The following REL variants were observed in gnomAD, a reference collection of about 807,000 sequenced individuals.
REL encodes the protein REL proto-oncogene, NF-kB subunit.
In REL, 15 loss-of-function variants were observed where a neutral mutation model predicts 45.9. That is an observed-to-expected ratio of 0.33 (90% CI 0.22 to 0.50). REL has a LOEUF of 0.50. Among genes scored for constraint, REL ranks in the 20% least tolerant of loss-of-function variants. REL has a pLI of 0.98. For synonymous variants in REL, 239 were observed against 242.1 expected (o/e 0.99, Z 0.12); for missense variants, 601 against 715.2 (o/e 0.84, Z 1.82).
chr2:60,886,781 G>C (rs1259203285), intron 1 of REL, among the ~76,000 whole-genome samples: 10 of 151,924 alleles, frequency 6.6e-5, no homozygotes, highest in Non-Finnish European at 1.3e-4. Flanking sequence ...TGCTTTATTA[G>C]ATAGGCACTA....
At chr2:60,901,215 G>A in intron 4 of REL, 132 bp downstream of exon 4, 2 of 1,173,526 alleles carry the variant, frequency 1.7e-6, no homozygotes, top group African/African-American at 3.4e-5. Flanking sequence ...GAGTGCAATG[G>A]CGCGATCTCA....
Position 60,881,587 on chromosome 2 carries a change from C to A in REL, c.-254C>A. ...GGCTGGGCCAGCACTCGGCTCTCCC[C>A]GCTCCGCCCCCTGCCCCTGGCTCCC... On this transcript the variant is annotated 5_prime_UTR_variant, in exon 1 of 10. Transcript: ENST00000394479. 1 of 491,858 alleles carries A rather than the reference C, an allele frequency of 2.0e-6. No homozygotes were observed. The highest frequency in any genetic ancestry group is 2.7e-5 in the South Asian group (1 of 37,484). The allele number at this position is 491,858 out of a possible 1,614,324, so 30.5% of individuals were successfully genotyped here. A position where few individuals can be genotyped will look rare whatever the true frequency, so the allele number is the denominator to read the frequency against.
chr2:60,901,305 G>A (rs1405056762), intron 4 of REL, among the ~76,000 whole-genome samples: 1 of 151,688 alleles, frequency 6.6e-6, no homozygotes, highest in African/African-American at 2.4e-5. Flanking sequence ...GGGATTATAG[G>A]CGCCCACCAT....
At chr2:60,909,860 G>A (rs1673762989) in intron 4 of REL, among the ~76,000 whole-genome samples, 1 of 151,962 alleles carries the variant, frequency 6.6e-6, no homozygotes, top group Non-Finnish European at 1.5e-5. Context: ...CTGAGATGGC[G>A]CCACTGCACT....
At chr2:60,914,098 GA>G (rs1175724900) in intron 4 of REL, among the ~76,000 whole-genome samples, 2 of 152,198 alleles carry the variant, frequency 1.3e-5, no homozygotes, top group African/African-American at 4.8e-5. Flanking sequence ...ATACATAAAT[GA>G]TTATCATGTA....
rs763342298 is a variant in REL, at chr2:60,911,994, CAAAAAAA to C, written c.395-4864_395-4858del. Among the ~76,000 whole-genome samples, 29 of 37,324 alleles carry C rather than the reference CAAAAAAA, an allele frequency of 7.8e-4. No individual in the cohort carries two copies. In the South Asian group the frequency reaches 1.0e-2, roughly 13 times the overall value. 24.5% of individuals were successfully genotyped at this position (37,324 alleles called of 152,430 possible). ...GCCTGGGCAAAGAGCAAGACTGTCT[CAAAAAAA>C]AAAAAAAAAAAAAAAAAAGTCATTT... On this transcript the variant is annotated intron_variant, in intron 4 of 9. Coordinates refer to ENST00000394479, the MANE Select transcript of REL (RefSeq NM_001291746.2).
chr2:60,894,587 C>T (rs774153171), intron 3 of REL, 42 bp downstream of exon 3: 4 of 1,444,872 alleles, frequency 2.8e-6, no homozygotes, highest in African/African-American at 2.9e-5. Context: ...TAAGATAAGA[C>T]ATAGGATGTT....
In REL at chr2:60,917,010, T is replaced by C. The variant is rs774807546; in HGVS notation, c.528T>C (p.Tyr176=). ...CTCCTGTTGTCTCGAACCCAATTTATGACAACCGTAAGTACTTCATTTTCT... is the reference window on the plus strand; with the variant it reads ...CTCCTGTTGTCTCGAACCCAATTTACGACAACCGTAAGTACTTCATTTTCT... The part of the protein sequence containing the change: ...ALPPVVSNPI[Y]DNRAPNTAEL... Residue 176 remains tyrosine, a synonymous_variant, in exon 5 of 10, where the codon TAT becomes TAC. Transcript: ENST00000394479. 23 of 1,612,554 alleles carry C rather than the reference T, an allele frequency of 1.4e-5. No individual in the cohort carries two copies. The Admixed American group carries it at 3.8e-4, about 27-fold the overall frequency.
chr2:60,904,839 G>A (rs908966899), intron 4 of REL, among the ~76,000 whole-genome samples: 6 of 152,110 alleles, frequency 3.9e-5, no homozygotes, highest in African/African-American at 1.4e-4. Flanking sequence ...GCAGTGAACG[G>A]TGTTCTCACT....
chr2:60,912,121 T>G (rs1255454473), intron 4 of REL, among the ~76,000 whole-genome samples: 1 of 151,374 alleles, frequency 6.6e-6, no homozygotes, highest in Non-Finnish European at 1.5e-5. Context: ...TGAGGAGAAA[T>G]TGACCTCATC....
At chr2:60,918,650 G>C (rs757681910) in intron 7 of REL, 44 bp downstream of exon 7, 1 of 1,299,558 alleles carries the variant, frequency 7.7e-7, no homozygotes, top group Non-Finnish European at 1.1e-6. Flanking sequence ...TCTTGAAGTG[G>C]TCCTGCTAAT....
At chr2:60,890,511 C>G (rs1439450906) in intron 1 of REL, among the ~76,000 whole-genome samples, 9 of 152,184 alleles carry the variant, frequency 5.9e-5, no homozygotes, top group Non-Finnish European at 1.3e-4. Flanking sequence ...AAGCCTTAGT[C>G]AGCACTAAAG....
Position 60,894,402 on chromosome 2 carries a change from G to C in REL, c.159G>C (p.Met53Ile), listed in dbSNP as rs775433130. 1 of 1,513,432 alleles carries C rather than the reference G, an allele frequency of 6.6e-7. No individual in the cohort carries two copies. The highest frequency in any genetic ancestry group is 9.0e-7 in the Non-Finnish European group (1 of 1,115,846). 93.8% of individuals were successfully genotyped at this position (1,513,432 alleles called of 1,614,324 possible). A position where few individuals can be genotyped will look rare whatever the true frequency, so the allele number is the denominator to read the frequency against. ...NNRTYPSIQI[M>I]NYYGKGKVRI... is the part of the protein sequence containing the mutation. The stretch of plus-strand genomic sequence containing the variant: ...TAATTTCCCCCTTTTTTCAGATTAT[G>C]AACTATTATGGAAAAGGAAAAGTGA... Residue 53 changes from methionine to isoleucine, a missense_variant, in exon 3 of 10, where the codon ATG (methionine) becomes ATC (isoleucine). Physicochemically the swap from Met to Ile is conservative, Grantham distance 10 (BLOSUM62 1). Coordinates refer to ENST00000394479, the MANE Select transcript of REL (RefSeq NM_001291746.2).
intron 3 of REL, among the ~76,000 whole-genome samples, chr2:60,897,948 G>C (rs1033735577): frequency 6.6e-6 from 1 of 151,542 alleles, no homozygotes; most frequent in Non-Finnish European, 1.5e-5. Flanking sequence ...CCTCATAACT[G>C]GTCTTCTTCC....
chr2:60,888,240 T>C (rs1432487943), intron 1 of REL, among the ~76,000 whole-genome samples: 1 of 152,154 alleles, frequency 6.6e-6, no homozygotes, highest in Non-Finnish European at 1.5e-5. Context: ...CAGTGAAATA[T>C]TTGAATGCTC....
intron 1 of REL, among the ~76,000 whole-genome samples, chr2:60,883,007 CG>C (rs896999192): frequency 1.2e-4 from 18 of 151,014 alleles, no homozygotes; most frequent in African/African-American, 4.1e-4. Flanking sequence ...AGAGCCGGGG[CG>C]GGGGGATAAA....
chr2:60,901,447 C>G (rs1307856338), intron 4 of REL, among the ~76,000 whole-genome samples: 1 of 152,148 alleles, frequency 6.6e-6, no homozygotes, highest in Non-Finnish European at 1.5e-5. Context: ...CAGGCGTGAG[C>G]CATTGTGCCC....
Position 60,881,616 on chromosome 2 carries a change from C to T in REL, c.-225C>T. On this transcript the variant is annotated 5_prime_UTR_variant, in exon 1 of 10. It adds an upstream start codon to the 5' untranslated region. Coordinates refer to ENST00000394479, the MANE Select transcript of REL (RefSeq NM_001291746.2). ...CCGCCCCCTGCCCCTGGCTCCCGTA[C>T]GGTGGACGGCGACGCTGGGTGACCC... The T allele has an allele frequency of 1.9e-6, 1 of 519,454 alleles. No homozygotes were observed. The highest frequency in any genetic ancestry group is 3.7e-5 in the Admixed American group (1 of 26,672). 32.2% of individuals were successfully genotyped at this position (519,454 alleles called of 1,614,324 possible). A position where few individuals can be genotyped will look rare whatever the true frequency, so the allele number is the denominator to read the frequency against.
chr2:60,922,699 A>T lies in REL; in HGVS notation c.*164A>T. ...ATATAAAAAACTTTTTTCAGGGAAG[A>T]AGCATACAACTTTGGACATAGCGAA... On this transcript the variant is annotated 3_prime_UTR_variant, in exon 10 of 10. Coordinates refer to ENST00000394479, the MANE Select transcript of REL (RefSeq NM_001291746.2). 2 of 1,287,736 alleles carry T rather than the reference A, an allele frequency of 1.6e-6. No individual in the cohort carries two copies. The highest frequency in any genetic ancestry group is 2.0e-6 in the Non-Finnish European group (2 of 1,019,890). 79.8% of individuals were successfully genotyped at this position (1,287,736 alleles called of 1,614,324 possible).
Sources: gnomAD v4.1 joint callset for allele counts (sites outside exome capture counted in the v4.1 genomes callset) on GRCh38, gnomAD v4.1.1 for gene constraint, MANE v1.5 for transcripts, NCBI Gene and HGNC (gene_info 2026-07-23, HGNC 2026-07-21) for gene names.